The following CAMK2G variants were observed in gnomAD, a reference collection of about 807,000 sequenced individuals.
The protein encoded by CAMK2G is calcium/calmodulin dependent protein kinase II gamma, also known as calcium/calmodulin-dependent protein kinase type II subunit gamma.
Under a neutral mutation model 88.7 loss-of-function variants are expected in CAMK2G, and 23 were observed. That is an observed-to-expected ratio of 0.26 (90% CI 0.19 to 0.37). The LOEUF is 0.37. Ranked by LOEUF, CAMK2G falls within the 10% of genes least tolerant of loss-of-function variation. CAMK2G has a pLI of 1.00. For missense variants in CAMK2G, 476 were observed against 780.8 expected (o/e 0.61, Z 4.65); for synonymous variants, 263 against 294.8 (o/e 0.89, Z 1.11).
intron 5 of CAMK2G, among the ~76,000 whole-genome samples, chr10:73,851,470 G>A (rs988689319): frequency 6.6e-6 from 1 of 152,136 alleles, no homozygotes; most frequent in Non-Finnish European, 1.5e-5. Context: ...AGGTGACAGA[G>A]GCTGAAAGCT....
chr10:73,817,694 G>A, intron 19 of CAMK2G, 140 bp from the exon 20 acceptor site: 1 of 652,770 alleles, frequency 1.5e-6, no homozygotes, highest in Admixed American at 2.4e-5. Context: ...CCCTTGGCAG[G>A]AAGAGCGAAC....
At chr10:73,846,903 T>C (rs937509982) in intron 10 of CAMK2G, 5 of 250,836 alleles carry the variant, frequency 2.0e-5, no homozygotes, top group Middle Eastern at 1.3e-3. Context: ...GAATTCACTT[T>C]GGGTTTTGCC....
chr10:73,830,606 T>C (rs545101631), intron 14 of CAMK2G, among the ~76,000 whole-genome samples: 1 of 152,342 alleles, frequency 6.6e-6, no homozygotes, highest in African/African-American at 2.4e-5. Flanking sequence ...TTTTCTTGCT[T>C]GCTTTCTTTT....
At chr10:73,863,172 G>T (rs1331264618) in intron 2 of CAMK2G, among the ~76,000 whole-genome samples, 1 of 152,240 alleles carries the variant, frequency 6.6e-6, no homozygotes, top group Admixed American at 6.5e-5. Flanking sequence ...ACAGAGATTA[G>T]TTCCTGCTGC....
chr10:73,849,146 C>T, intron 6 of CAMK2G, 31 bp from the exon 7 acceptor site: 1 of 1,591,844 alleles, frequency 6.3e-7, no homozygotes. Context: ...ACCTTGTGAG[C>T]ACCCACCCTG....
intron 3 of CAMK2G, among the ~76,000 whole-genome samples, chr10:73,854,673 C>G (rs2094893757): frequency 6.6e-6 from 1 of 152,184 alleles, no homozygotes; most frequent in Admixed American, 6.5e-5. Context: ...CAGTGTCACA[C>G]GTTTCCTCAG....
chr10:73,843,640 C>T (rs537956787), intron 10 of CAMK2G, among the ~76,000 whole-genome samples: 13 of 152,104 alleles, frequency 8.5e-5, no homozygotes, highest in Non-Finnish European at 1.9e-4. Flanking sequence ...CTGTTGCTGT[C>T]TTCACCAGCC....
chr10:73,840,452 C>T (rs960036740), intron 12 of CAMK2G, among the ~76,000 whole-genome samples: 4 of 152,178 alleles, frequency 2.6e-5, no homozygotes, highest in Admixed American at 6.5e-5. Flanking sequence ...CAGAAGCTTC[C>T]GGACAGACTC....
At chr10:73,820,087 T>C (rs558063019) in intron 18 of CAMK2G, among the ~76,000 whole-genome samples, 1 of 152,304 alleles carries the variant, frequency 6.6e-6, no homozygotes, top group South Asian at 2.1e-4. Flanking sequence ...GCTATTTTTT[T>C]TGGTTCCAAA....
At chr10:73,854,458 C>T (rs750142079) in intron 3 of CAMK2G, among the ~76,000 whole-genome samples, 2 of 152,184 alleles carry the variant, frequency 1.3e-5, no homozygotes, top group Non-Finnish European at 2.9e-5. Context: ...CTGTCCTGTC[C>T]CTCCCCTCAC....
chr10:73,858,682 AGGATATATGGTCCCTCCGCCTG>A (rs1330216501), intron 3 of CAMK2G, among the ~76,000 whole-genome samples: 7 of 152,356 alleles, frequency 4.6e-5, no homozygotes, highest in Admixed American at 4.6e-4. Flanking sequence ...GCAGACGGCC[AGGATATATGGTCCCTCCGCCTG>A]CCTCCATTCT....
chr10:73,843,159 G>A (rs1455883343), intron 10 of CAMK2G, among the ~76,000 whole-genome samples: 2 of 151,384 alleles, frequency 1.3e-5, no homozygotes, highest in African/African-American at 2.4e-5. Context: ...CGTAGCCTCC[G>A]CCTCTCAGGT....
At chr10:73,852,487 G>A (rs2094701010) in intron 4 of CAMK2G, 168 bp from the exon 5 acceptor site, 7 of 618,536 alleles carry the variant, frequency 1.1e-5, no homozygotes, top group East Asian at 5.5e-5. Context: ...AGTGACACCC[G>A]GATTCTCCTT....
intron 12 of CAMK2G, among the ~76,000 whole-genome samples, chr10:73,841,514 G>A (rs747455722): frequency 2.6e-5 from 4 of 152,180 alleles, no homozygotes; most frequent in African/African-American, 4.8e-5. Flanking sequence ...GGGGAGTGGA[G>A]TGTCTTGCAT....
chr10:73,812,572 A>G lies in CAMK2G; in HGVS notation c.*1946T>C, dbSNP rs2084488143. 6.6e-6 allele frequency: 1 copy of G among 152,666 alleles called. No individual in the cohort carries two copies. Among genetic ancestry groups the G allele is most frequent in the Non-Finnish European group, 1.5e-5 (1 of 68,034 alleles). The allele number at this position is 152,666 out of a possible 1,614,324, so 9.5% of individuals were successfully genotyped here. On this transcript the variant is annotated 3_prime_UTR_variant, in exon 23 of 23. Transcript: ENST00000423381. ...ATTGTAACAAAGCTATGAAGGGTCTACCAACATTCAGAACAAACACTATTT... is the reference window on the plus strand; with the variant it reads ...ATTGTAACAAAGCTATGAAGGGTCTGCCAACATTCAGAACAAACACTATTT...
chr10:73,872,375 AC>A (rs1377734186), intron 2 of CAMK2G, among the ~76,000 whole-genome samples: 1 of 152,186 alleles, frequency 6.6e-6, no homozygotes, highest in African/African-American at 2.4e-5. Context: ...ATCACCCTCC[AC>A]CCAGGACAGA....
chr10:73,834,604 C>T (rs1444605767), intron 14 of CAMK2G, among the ~76,000 whole-genome samples: 1 of 152,208 alleles, frequency 6.6e-6, no homozygotes, highest in Non-Finnish European at 1.5e-5. Context: ...CTTGTTCCAG[C>T]CCTTTCTTAA....
At chr10:73,836,276 C>T (rs2093206894) in intron 14 of CAMK2G, among the ~76,000 whole-genome samples, 1 of 152,228 alleles carries the variant, frequency 6.6e-6, no homozygotes, top group Non-Finnish European at 1.5e-5. Flanking sequence ...ACTAGCAGCG[C>T]TCAGCTGACT....
intron 10 of CAMK2G, among the ~76,000 whole-genome samples, chr10:73,845,308 C>G (rs528564823): frequency 6.6e-6 from 1 of 152,082 alleles, no homozygotes; most frequent in Non-Finnish European, 1.5e-5. Flanking sequence ...CTTGGCCGGG[C>G]GCAGTGGCTC....
Sources: allele counts gnomAD v4.1 joint callset (sites outside exome capture counted in the v4.1 genomes callset), GRCh38; gene constraint gnomAD v4.1.1; transcripts MANE v1.5; gene names NCBI Gene and HGNC (gene_info 2026-07-23, HGNC 2026-07-21).